UNC13B: variants seen among roughly 807,000 people sequenced by gnomAD.
UNC13B encodes unc-13 homolog B.
In UNC13B, 144 loss-of-function variants were observed where a neutral mutation model predicts 211.0. The ratio of observed to expected loss-of-function variants is 0.68; its 90% confidence interval spans 0.60 to 0.78. UNC13B has a LOEUF of 0.78. Ranked by LOEUF, UNC13B falls within the 30% of genes least tolerant of loss-of-function variation. The pLI, the probability that UNC13B is intolerant of heterozygous loss-of-function variation, is 0.00. For synonymous variants in UNC13B, 709 were observed against 725.8 expected (o/e 0.98, Z 0.37); for missense variants, 1,777 against 2,002.0 (o/e 0.89, Z 2.14).
intron 26 of UNC13B, among the ~76,000 whole-genome samples, chr9:35,394,509 T>C (rs545666168): frequency 6.6e-6 from 1 of 152,268 alleles, no homozygotes; most frequent in South Asian, 2.1e-4. Flanking sequence ...GGCAGGAGAA[T>C]TGCTTGAACC....
In UNC13B at chr9:35,385,801, C is replaced by T. The variant is rs898486066; in HGVS notation, c.10953C>T (p.Phe3651=). ...TGGATTTGCTGACCAGCATTACTTTCTTCAGAATGAAGGTAAGAAATGGAC... is the reference window on the plus strand; with the variant it reads ...TGGATTTGCTGACCAGCATTACTTTTTTCAGAATGAAGGTAAGAAATGGAC... ...STVDLLTSIT[F]FRMKVQELQS... is the part of the protein sequence containing the mutation. Residue 3651 remains phenylalanine, a synonymous_variant, in exon 23 of 40, where the codon TTC becomes TTT. Coordinates refer to ENST00000635942, the MANE Select transcript of UNC13B (RefSeq NM_001371189.2). 1.2e-6 allele frequency: 2 copies of T among 1,608,204 alleles called. No homozygotes were observed. Among genetic ancestry groups the T allele is most frequent in the African/African-American group, 2.7e-5 (2 of 74,936 alleles).
chr9:35,324,612 A>C (rs117611614), intron 11 of UNC13B, among the ~76,000 whole-genome samples: 1 of 152,088 alleles, frequency 6.6e-6, no homozygotes, highest in Non-Finnish European at 1.5e-5. Context: ...TTCAGTGTTT[A>C]TCTTATTGGA....
At chr9:35,227,988 C>T in intron 1 of UNC13B, 27 bp from the exon 2 acceptor site, 5 of 1,607,996 alleles carry the variant, frequency 3.1e-6, no homozygotes, top group Non-Finnish European at 4.2e-6. Flanking sequence ...AAACATTCTT[C>T]ATGGTATCCT....
At position 35,291,317 on chromosome 9, in the gene UNC13B, T is replaced by C. The variant is rs374122566; in HGVS notation, c.527-4379T>C. On this transcript the variant is annotated intron_variant, in intron 7 of 39. Transcript: ENST00000635942. Reference sequence around the variant, plus strand: ...TGTGTGTGTTTATGTGTGTTACAAATTTCAAACCAAAGTCCCAGTCATAAT... The same window carrying C: ...TGTGTGTGTTTATGTGTGTTACAAACTTCAAACCAAAGTCCCAGTCATAAT... Among the ~76,000 whole-genome samples, 3 of 152,192 alleles carry C rather than the reference T, an allele frequency of 2.0e-5. No individual in the cohort carries two copies. The East Asian group carries it at 5.8e-4, about 29-fold the overall frequency.
intron 11 of UNC13B, among the ~76,000 whole-genome samples, chr9:35,337,038 C>T (rs1831701946): frequency 6.6e-6 from 1 of 151,646 alleles, no homozygotes; most frequent in Non-Finnish European, 1.5e-5. Flanking sequence ...AGCCAAATTC[C>T]TCTAGACATG....
intron 7 of UNC13B, among the ~76,000 whole-genome samples, chr9:35,272,804 G>A (rs904576815): frequency 4.6e-5 from 7 of 152,072 alleles, no homozygotes; most frequent in African/African-American, 7.2e-5. Flanking sequence ...AAAATTCCAC[G>A]TAGCTTTTAG....
At chr9:35,324,055 G>A (rs1267806129) in intron 11 of UNC13B, among the ~76,000 whole-genome samples, 1 of 152,062 alleles carries the variant, frequency 6.6e-6, no homozygotes, top group Non-Finnish European at 1.5e-5. Flanking sequence ...TGTGAATTAG[G>A]CTTATGTTAT....
intron 6 of UNC13B, among the ~76,000 whole-genome samples, chr9:35,246,525 G>A (rs1826112389): frequency 9.9e-5 from 15 of 152,118 alleles, no homozygotes; most frequent in Admixed American, 9.2e-4. Flanking sequence ...ATTAATTTTT[G>A]TATAAGGTGT....
At chr9:35,163,996 T>C (rs1051556124) in intron 1 of UNC13B, among the ~76,000 whole-genome samples, 1 of 152,208 alleles carries the variant, frequency 6.6e-6, no homozygotes, top group Admixed American at 6.5e-5. Flanking sequence ...CAGAAATGAA[T>C]TGAAATACAT....
intron 11 of UNC13B, among the ~76,000 whole-genome samples, chr9:35,337,244 G>T (rs1300900610): frequency 6.6e-6 from 1 of 152,140 alleles, no homozygotes; most frequent in Non-Finnish European, 1.5e-5. Context: ...ATGGAGTCTA[G>T]GGAGAATGAA....
At chr9:35,206,889 A>AAC (rs1554687113) in intron 1 of UNC13B, among the ~76,000 whole-genome samples, 60 of 151,074 alleles carry the variant, frequency 4.0e-4, no homozygotes, top group African/African-American at 1.1e-3. Context: ...AAAAAAAAAA[A>AAC]ACACACACAC....
At position 35,302,991 on chromosome 9, in the gene UNC13B, T is replaced by C. The variant is rs1829760138; in HGVS notation, c.3587T>C (p.Ile1196Thr). 5.0e-6 allele frequency: 2 copies of C among 398,594 alleles called. No homozygotes were observed. Among genetic ancestry groups the C allele is most frequent in the African/African-American group, 2.1e-5 (1 of 48,622 alleles). The allele number at this position is 398,594 out of a possible 1,614,324, so 24.7% of individuals were successfully genotyped here. A position where few individuals can be genotyped will look rare whatever the true frequency, so the allele number is the denominator to read the frequency against. Residue 1196 changes from isoleucine (I) to threonine (T), a missense_variant, in exon 9 of 40, where the codon ATT becomes ACT. Physicochemically the swap from Ile to Thr is moderately conservative, Grantham distance 89. Coordinates refer to ENST00000635942, the MANE Select transcript of UNC13B (RefSeq NM_001371189.2). ...IFNLLSNSGMIDHKPEEAKFM... is the reference protein window; with the variant it reads ...IFNLLSNSGMTDHKPEEAKFM... ...AACCTGCTATCAAATAGCGGTATGA[T>C]TGATCATAAACCAGAGGAAGCAAAG... is the stretch of plus-strand genomic sequence containing the variant.
At chr9:35,352,635 A>G (rs1817027565) in intron 11 of UNC13B, 2 of 1,232,008 alleles carry the variant, frequency 1.6e-6, no homozygotes, top group African/African-American at 1.6e-5. Context: ...CAGGCCCCTG[A>G]GCAGCAAGGC....
intron 37 of UNC13B, among the ~76,000 whole-genome samples, chr9:35,402,437 A>T (rs943107370): frequency 7.3e-5 from 11 of 151,376 alleles, no homozygotes; most frequent in African/African-American, 2.7e-4. Context: ...GCCTGCCACC[A>T]CTGCCAGCTA....
intron 1 of UNC13B, among the ~76,000 whole-genome samples, chr9:35,201,971 C>T (rs1823326861): frequency 6.6e-6 from 1 of 152,100 alleles, no homozygotes; most frequent in African/African-American, 2.4e-5. Flanking sequence ...CTCTTGTGGG[C>T]ATTTAGTGCT....
intron 1 of UNC13B, among the ~76,000 whole-genome samples, chr9:35,164,388 A>T (rs1820928512): frequency 6.6e-6 from 1 of 152,240 alleles, no homozygotes; most frequent in Non-Finnish European, 1.5e-5. Context: ...TTCTGAAAGC[A>T]GTCTATATAG....
intron 12 of UNC13B, 95 bp from the exon 13 acceptor site, chr9:35,370,223 C>G: frequency 9.7e-7 from 1 of 1,035,480 alleles, no homozygotes; most frequent in Non-Finnish European, 1.5e-6. Context: ...TCATCTTCCT[C>G]TGGGGAGAGG....
chr9:35,364,567 G>A (rs1833649940), intron 11 of UNC13B: 2 of 1,535,890 alleles, frequency 1.3e-6, no homozygotes, highest in Admixed American at 2.0e-5. Flanking sequence ...GAGCCCTTCA[G>A]GTTGTGCCTA....
chr9:35,383,522 C>T (rs1246549565), intron 21 of UNC13B, among the ~76,000 whole-genome samples: 1 of 152,058 alleles, frequency 6.6e-6, no homozygotes, highest in Non-Finnish European at 1.5e-5. Context: ...ATATTTGTTC[C>T]ATTTTGCCTC....
Sources: gnomAD v4.1 joint callset for allele counts (sites outside exome capture counted in the v4.1 genomes callset) on GRCh38, gnomAD v4.1.1 for gene constraint, MANE v1.5 for transcripts, NCBI Gene and HGNC (gene_info 2026-07-23, HGNC 2026-07-21) for gene names.